BARD1: variants seen among roughly 807,000 people sequenced by gnomAD.
The protein encoded by BARD1 is BRCA1-associated RING domain protein 1.
A neutral mutation model predicts 77.0 loss-of-function variants in BARD1; 73 were observed. The ratio of observed to expected loss-of-function variants is 0.95; its 90% CI spans 0.79 to 1.15. The LOEUF is 1.15. Ranked by LOEUF, BARD1 falls within the 50% of genes most tolerant of loss-of-function variation. BARD1 has a pLI of 0.00. For synonymous variants in BARD1, 384 were observed against 338.0 expected (o/e 1.14, Z -1.49); for missense variants, 993 against 938.8 (o/e 1.06, Z -0.75).
At chr2:214,778,800 C>T (rs2106103685) in intron 4 of BARD1, among the ~76,000 whole-genome samples, 1 of 152,276 alleles carries the variant, frequency 6.6e-6, no homozygotes, top group South Asian at 2.1e-4. Context: ...TTACAAAACT[C>T]TGGCCTAGAC....
chr2:214,809,367 GCGACCC>G, intron 1 of BARD1, 39 bp downstream of exon 1: 1 of 1,608,758 alleles, frequency 6.2e-7, no homozygotes, highest in East Asian at 2.2e-5. Context: ...CAGAAACTGT[GCGACCC>G]GTGCCCTCGC....
At chr2:214,807,685 G>T (rs1267241737) in intron 1 of BARD1, among the ~76,000 whole-genome samples, 1 of 152,038 alleles carries the variant, frequency 6.6e-6, no homozygotes, top group Admixed American at 6.6e-5. Flanking sequence ...GATTATTAAT[G>T]AATCCTCACA....
intron 6 of BARD1, among the ~76,000 whole-genome samples, chr2:214,754,356 GA>G (rs796454655): frequency 0.018 from 2,535 of 144,422 alleles, 75 homozygotes; most frequent in African/African-American, 0.059. Context: ...GAAAAAATGA[GA>G]AAAAAAAAAA....
At chr2:214,802,479 A>G (rs1696069142) in intron 1 of BARD1, among the ~76,000 whole-genome samples, 1 of 152,192 alleles carries the variant, frequency 6.6e-6, no homozygotes, top group South Asian at 2.1e-4. Flanking sequence ...CCCCATCTCA[A>G]GTTCAGGAGC....
At chr2:214,769,356 G>A (rs1164042107) in intron 4 of BARD1, 44 bp from the exon 5 acceptor site, 3 of 1,489,176 alleles carry the variant, frequency 2.0e-6, no homozygotes, top group Admixed American at 1.7e-5. Flanking sequence ...ATTAAGGAAA[G>A]AAAGGAAAAT....
intron 2 of BARD1, among the ~76,000 whole-genome samples, chr2:214,794,205 C>A (rs550122279): frequency 6.6e-6 from 1 of 152,038 alleles, no homozygotes; most frequent in Non-Finnish European, 1.5e-5. Context: ...GAGCCATGAT[C>A]GCGCCACTGC....
intron 6 of BARD1, among the ~76,000 whole-genome samples, chr2:214,762,994 G>A (rs1694030708): frequency 6.6e-6 from 1 of 150,556 alleles, no homozygotes; most frequent in South Asian, 2.1e-4. Flanking sequence ...GAAGGAGGAG[G>A]TTTTCAACTT....
chr2:214,769,245 C>A lies in BARD1; in HGVS notation c.1382G>T (p.Gly461Val), dbSNP rs1694358968. ...GSDPNVKDHA[G>V]WTPLHEACNH... ...CCAGACAACTACCAATGGTGTCCAT[C>A]CAGCATGGTCTTTAACATTTGGATC... Residue 461 changes from glycine to valine, a missense_variant, in exon 5 of 11, where the codon GGA (glycine) becomes GTA (valine). Gly to Val is a moderately radical substitution (Grantham distance 109). Coordinates refer to ENST00000260947, the MANE Select transcript of BARD1 (RefSeq NM_000465.4). The A allele has an allele frequency of 6.2e-7, 1 of 1,612,452 alleles. No homozygotes were observed.
intron 7 of BARD1, among the ~76,000 whole-genome samples, chr2:214,751,140 TATA>T (rs1693417508): frequency 4.4e-5 from 2 of 45,812 alleles, no homozygotes; most frequent in East Asian, 5.8e-4. Flanking sequence ...TATATATATA[TATA>T]TATATATATT....
In BARD1 at chr2:214,728,537, C is replaced by CTTTTTT; in HGVS notation, c.*133_*138dup. On this transcript the variant is annotated 3_prime_UTR_variant, in exon 11 of 11. Coordinates refer to ENST00000260947, the MANE Select transcript of BARD1 (RefSeq NM_000465.4). ...CATGAATTCCTAATCTGGCATTAGA[C>CTTTTTT]TTTTTTTTTTTTTTTGATTCAAAGA... 1 of 587,828 alleles carries CTTTTTT rather than the reference C, an allele frequency of 1.7e-6. No homozygotes were observed. The highest frequency in any genetic ancestry group is 2.6e-5 in the South Asian group (1 of 38,292). The allele number at this position is 587,828 out of a possible 1,614,324, so 36.4% of individuals were successfully genotyped here. A position where few individuals can be genotyped will look rare whatever the true frequency, so the allele number is the denominator to read the frequency against.
chr2:214,754,493 T>C (rs2106043570), intron 6 of BARD1, among the ~76,000 whole-genome samples: 1 of 152,244 alleles, frequency 6.6e-6, no homozygotes, highest in Non-Finnish European at 1.5e-5. Context: ...AGCATAGTTA[T>C]TTTACACATA....
intron 2 of BARD1, 93 bp from the exon 3 acceptor site, chr2:214,792,538 G>A (rs2106136205): frequency 8.0e-7 from 1 of 1,256,378 alleles, no homozygotes. Context: ...AAATGGAGCA[G>A]AGGTTATTCT....
At position 214,747,298 on chromosome 2, in the gene BARD1, C is replaced by T. The variant is rs950601772; in HGVS notation, c.1678-1444G>A. Among the ~76,000 whole-genome samples the T allele has an allele frequency of 3.3e-5, 5 of 150,778 alleles. 1 individual carries two copies. In the South Asian group the frequency reaches 6.3e-4, roughly 19 times the overall value. ...TCAACCTTTGTGGAAGTCAGTGTGG[C>T]GATTCCTCAGGGATCTAGAACTGGA... On this transcript the variant is annotated intron_variant, in intron 7 of 10. Transcript: ENST00000260947.
intron 3 of BARD1, 133 bp downstream of exon 3, chr2:214,792,164 A>C (rs1404065906): frequency 1.0e-6 from 1 of 978,334 alleles, no homozygotes; most frequent in African/African-American, 1.7e-5. Flanking sequence ...AAAAAAAAAA[A>C]AAAACCTACA....
Position 214,780,866 on chromosome 2 carries a change from A to G in BARD1, c.1008T>C (p.Cys336=), listed in dbSNP as rs1574817982. The change falls in exon 4 of 11, where the codon TGT becomes TGC. Residue 336 remains cysteine (C), a synonymous_variant. Coordinates refer to ENST00000260947, the MANE Select transcript of BARD1 (RefSeq NM_000465.4). ...NRLSSPISKR[C]RTSILSTSGD... ...CACTGGTGCTCAGAATGCTGGTTCT[A>G]CATCTCTTAGAAATGGGACTGGAAA... The G allele has an allele frequency of 6.2e-7, 1 of 1,614,154 alleles. No homozygotes were observed. Among genetic ancestry groups the G allele is most frequent in the East Asian group, 2.2e-5 (1 of 44,870 alleles).
chr2:214,766,977 T>C (rs11897417), intron 6 of BARD1, among the ~76,000 whole-genome samples: 56,424 of 151,842 alleles, frequency 0.37, 10,608 homozygotes, highest in Middle Eastern at 0.44. Context: ...CCTCCTCCCA[T>C]CCTCCACACT....
chr2:214,777,096 AACATGATTTTAGTGTGATGAG>A (rs1473609839), intron 4 of BARD1, among the ~76,000 whole-genome samples: 1 of 152,178 alleles, frequency 6.6e-6, no homozygotes, highest in African/African-American at 2.4e-5. Context: ...AACAGCTGAC[AACATGATTTTAGTGTGATGAG>A]ACCCATACTA....
chr2:214,727,516 A>T lies in BARD1; in HGVS notation c.*1160T>A. ...AAAATGTTTCAAAATAATCTAATGT[A>T]TCCTTGTCGATTCATGAATGAGAGC... On this transcript the variant is annotated 3_prime_UTR_variant, in exon 11 of 11. Transcript: ENST00000260947. 4.3e-6 allele frequency: 1 copy of T among 231,984 alleles called. No homozygotes were observed. Among genetic ancestry groups the T allele is most frequent in the Non-Finnish European group, 8.5e-6 (1 of 117,268 alleles). 14.4% of individuals were successfully genotyped at this position (231,984 alleles called of 1,614,324 possible).
intron 9 of BARD1, among the ~76,000 whole-genome samples, chr2:214,742,409 G>T (rs1692879967): frequency 1.3e-5 from 2 of 152,098 alleles, no homozygotes; most frequent in Admixed American, 6.5e-5. Flanking sequence ...TATTAGGAAA[G>T]AACTATTTGA....
Sources: gnomAD v4.1 joint callset for allele counts (sites outside exome capture counted in the v4.1 genomes callset) on GRCh38, gnomAD v4.1.1 for gene constraint, MANE v1.5 for transcripts, NCBI Gene and HGNC (gene_info 2026-07-23, HGNC 2026-07-21) for gene names.